The following RALGPS1 variants were observed in gnomAD, a reference collection of about 807,000 sequenced individuals.
The protein encoded by RALGPS1 is Ral GEF with PH domain and SH3 binding motif 1.
Under a neutral mutation model 78.8 loss-of-function variants are expected in RALGPS1, and 19 were observed. That is an observed-to-expected ratio of 0.24 (90% CI 0.17 to 0.35). The LOEUF (loss-of-function observed/expected upper bound fraction) is 0.35, where lower values mean the gene tolerates loss of function less well. Ranked by LOEUF, RALGPS1 falls within the 10% of genes least tolerant of loss-of-function variation. RALGPS1 has a pLI of 1.00. For missense variants in RALGPS1, 454 were observed against 688.3 expected, an observed-to-expected ratio of 0.66 and a Z score of 3.81; for synonymous variants, 228 against 256.3, an observed-to-expected ratio of 0.89 and a Z score of 1.06.
intron 1 of RALGPS1, among the ~76,000 whole-genome samples, chr9:126,943,392 C>T (rs773039151): frequency 2.6e-5 from 4 of 152,170 alleles, no homozygotes; most frequent in Non-Finnish European, 4.4e-5. Context: ...ATCTGCCCTC[C>T]TTGGCTTCCC....
chr9:127,039,938 A>C (rs1323611233), intron 5 of RALGPS1, among the ~76,000 whole-genome samples: 1 of 152,212 alleles, frequency 6.6e-6, no homozygotes, highest in African/African-American at 2.4e-5. Flanking sequence ...GTGATTTTCT[A>C]AGTGGCCCCA....
chr9:126,931,188 C>T (rs1225837152), intron 1 of RALGPS1, among the ~76,000 whole-genome samples: 4 of 152,146 alleles, frequency 2.6e-5, no homozygotes, highest in Admixed American at 1.3e-4. Flanking sequence ...GGCACGATAC[C>T]GCTTACATCT....
intron 8 of RALGPS1, among the ~76,000 whole-genome samples, chr9:127,109,089 A>G (rs1353107154): frequency 6.6e-6 from 1 of 152,218 alleles, no homozygotes; most frequent in Non-Finnish European, 1.5e-5. Context: ...CTCCTGGCCT[A>G]GAGCCTGAGA....
At chr9:127,177,154 G>A (rs1041997301) in intron 11 of RALGPS1, among the ~76,000 whole-genome samples, 6 of 151,278 alleles carry the variant, frequency 4.0e-5, no homozygotes, top group Non-Finnish European at 7.4e-5. Context: ...CTCAATTTTC[G>A]TAGGGTTTTT....
chr9:127,139,724 A>G (rs1023106036), intron 8 of RALGPS1, among the ~76,000 whole-genome samples: 6 of 152,192 alleles, frequency 3.9e-5, no homozygotes, highest in Admixed American at 3.9e-4. Context: ...CTCGGCCTCC[A>G]TGTAGGTAGA....
At chr9:127,104,083 G>A (rs2053993967) in intron 8 of RALGPS1, among the ~76,000 whole-genome samples, 2 of 152,192 alleles carry the variant, frequency 1.3e-5, no homozygotes, top group African/African-American at 4.8e-5. Flanking sequence ...TAGGGGATCT[G>A]AGAGGCCCCT....
intron 14 of RALGPS1, among the ~76,000 whole-genome samples, chr9:127,207,526 T>C (rs1298343767): frequency 6.6e-6 from 1 of 152,206 alleles, no homozygotes; most frequent in Non-Finnish European, 1.5e-5. Flanking sequence ...AAACAAAAAC[T>C]ATGATTTCTG....
intron 8 of RALGPS1, among the ~76,000 whole-genome samples, chr9:127,134,719 A>G (rs902411858): frequency 6.6e-6 from 1 of 152,182 alleles, no homozygotes; most frequent in African/African-American, 2.4e-5. Context: ...TACTGTTGCA[A>G]TGTATACAGT....
chr9:127,164,819 C>T (rs1328964168), intron 8 of RALGPS1, among the ~76,000 whole-genome samples: 3 of 152,074 alleles, frequency 2.0e-5, no homozygotes, highest in Admixed American at 6.5e-5. Flanking sequence ...GGATTACAGG[C>T]GCGAGCCACT....
intron 14 of RALGPS1, among the ~76,000 whole-genome samples, chr9:127,207,232 A>G (rs1446227581): frequency 6.6e-6 from 1 of 151,988 alleles, no homozygotes; most frequent in African/African-American, 2.4e-5. Context: ...CCTCCTGCTC[A>G]TCATCACCTT....
chr9:127,067,007 A>T (rs948286411), intron 7 of RALGPS1, among the ~76,000 whole-genome samples: 1 of 152,080 alleles, frequency 6.6e-6, no homozygotes, highest in African/African-American at 2.4e-5. Flanking sequence ...CCACATTGCT[A>T]TACTATATCT....
intron 8 of RALGPS1, chr9:127,108,202 T>C (rs1461414368): frequency 1.2e-6 from 2 of 1,613,976 alleles, no homozygotes; most frequent in African/African-American, 2.7e-5. Flanking sequence ...CTCCAGGTCC[T>C]TGTACTTGCT....
chr9:127,033,317 T>A (rs2046581929), intron 4 of RALGPS1, among the ~76,000 whole-genome samples: 1 of 152,046 alleles, frequency 6.6e-6, no homozygotes. Flanking sequence ...ACCAAGCCCC[T>A]GTCTGTGGCT....
intron 4 of RALGPS1, among the ~76,000 whole-genome samples, chr9:127,013,835 T>C (rs1388582206): frequency 3.9e-5 from 6 of 152,198 alleles, no homozygotes; most frequent in Non-Finnish European, 8.8e-5. Context: ...CACAGGTCCT[T>C]GAACCTACCT....
chr9:126,945,262 A>G (rs1405563825), intron 1 of RALGPS1, among the ~76,000 whole-genome samples: 3 of 151,994 alleles, frequency 2.0e-5, no homozygotes, highest in African/African-American at 7.3e-5. Flanking sequence ...GCGGTGGCAC[A>G]ATCTCGGCTC....
chr9:126,947,959 C>A (rs1190949819), intron 1 of RALGPS1, among the ~76,000 whole-genome samples: 1 of 152,108 alleles, frequency 6.6e-6, no homozygotes. Flanking sequence ...TAACAGATGA[C>A]AAAAAGAGAA....
At chr9:127,040,245 A>G (rs1282610004) in intron 5 of RALGPS1, among the ~76,000 whole-genome samples, 2 of 152,232 alleles carry the variant, frequency 1.3e-5, no homozygotes, top group East Asian at 3.9e-4. Context: ...TACTAAAAAT[A>G]CAAAAATTAG....
Position 127,078,528 on chromosome 9 carries a change from G to A in RALGPS1, c.610+9172G>A, listed in dbSNP as rs10987556. On this transcript the variant is annotated intron_variant, in intron 8 of 18. Transcript: ENST00000259351. ...TACGCATCCTCCTTTTAATATCTCCGTCTCCATGGAAATAAACAGTAGAAG... is the reference window on the plus strand; with the variant it reads ...TACGCATCCTCCTTTTAATATCTCCATCTCCATGGAAATAAACAGTAGAAG... Among the ~76,000 whole-genome samples, 2,200 of 152,178 alleles carry A rather than the reference G, an allele frequency of 0.014. 197 individuals are homozygous for A. In the East Asian group the frequency reaches 0.24, roughly 17 times the overall value.
At position 127,050,106 on chromosome 9, in the gene RALGPS1, C is replaced by T; in HGVS notation, c.364C>T (p.Leu122Phe). 1 of 1,613,834 alleles carries T rather than the reference C, an allele frequency of 6.2e-7. No homozygotes were observed. The highest frequency in any genetic ancestry group is 8.5e-7 in the Non-Finnish European group (1 of 1,179,718). The change falls in exon 6 of 19, where the codon CTC (leucine) becomes TTC (phenylalanine). Residue 122 changes from leucine to phenylalanine, a missense_variant. Transcript: ENST00000259351. ...GACTTTAAAAATAAGGGCAGAAATC[C>T]TCAGCCATTTTGTGAAAATAGCCAA... ...AQTLKIRAEI[L>F]SHFVKIAKKL...
Sources: allele counts gnomAD v4.1 joint callset (sites outside exome capture counted in the v4.1 genomes callset), GRCh38; gene constraint gnomAD v4.1.1; transcripts MANE v1.5; gene names NCBI Gene and HGNC (gene_info 2026-07-23, HGNC 2026-07-21).